The following DDX60L variants were observed in gnomAD, a reference collection of about 807,000 sequenced individuals.
DDX60L encodes DExD/H-box 60 like.
DDX60L carries 191 observed loss-of-function variants against 211.6 expected under a neutral mutation model. The observed-to-expected ratio is 0.90, with a 90% CI of 0.80 to 1.02. The LOEUF (loss-of-function observed/expected upper bound fraction) is 1.02, where lower values mean the gene tolerates loss of function less well. DDX60L is among the 50% of genes least tolerant of loss of function. The pLI, the probability that DDX60L is intolerant of heterozygous loss-of-function variation, is 0.00. For synonymous variants in DDX60L, 706 were observed against 694.1 expected, an observed-to-expected ratio of 1.02 and a Z score of -0.27; for missense variants, 2,007 against 1,984.1, an observed-to-expected ratio of 1.01 and a Z score of -0.22.
intron 30 of DDX60L, chr4:168,380,940 AG>A (rs1742836124): frequency 6.6e-6 from 1 of 152,244 alleles, no homozygotes; most frequent in Non-Finnish European, 1.5e-5. Flanking sequence ...CAAAGAGGTT[AG>A]CTGCATTGTG....
chr4:168,449,104 A>G (rs1419630638), intron 8 of DDX60L, among the ~76,000 whole-genome samples: 2 of 152,192 alleles, frequency 1.3e-5, no homozygotes. Context: ...CCAGGCCTGC[A>G]TGAGTACATT....
intron 18 of DDX60L, among the ~76,000 whole-genome samples, 168 bp downstream of exon 18, chr4:168,420,092 CT>C (rs887429603): frequency 1.3e-5 from 2 of 152,114 alleles, no homozygotes; most frequent in African/African-American, 4.8e-5. Context: ...CTAGTTCTTA[CT>C]TTTTAGAGTA....
At chr4:168,360,981 T>C (rs1739007481) in intron 37 of DDX60L, among the ~76,000 whole-genome samples, 168 bp downstream of exon 37, 1 of 152,232 alleles carries the variant, frequency 6.6e-6, no homozygotes, top group Non-Finnish European at 1.5e-5. Flanking sequence ...TCCTGAGGAA[T>C]GGGTCTACAG....
At chr4:168,373,881 A>T (rs920077155) in intron 34 of DDX60L, 73 bp from the exon 35 acceptor site, 3 of 1,471,452 alleles carry the variant, frequency 2.0e-6, no homozygotes, top group African/African-American at 2.8e-5. Context: ...AACTCACTGT[A>T]GGTCAAGCCA....
intron 8 of DDX60L, among the ~76,000 whole-genome samples, chr4:168,452,196 T>A (rs943368278): frequency 6.6e-6 from 1 of 152,246 alleles, no homozygotes; most frequent in Admixed American, 6.5e-5. Context: ...AGACTGGTTT[T>A]AAAATGTCTA....
chr4:168,465,387 C>T (rs997536723), intron 4 of DDX60L, among the ~76,000 whole-genome samples: 2 of 152,010 alleles, frequency 1.3e-5, no homozygotes, highest in Non-Finnish European at 1.5e-5. Flanking sequence ...CCTGCATATC[C>T]TGGATATTAA....
At chr4:168,396,739 C>T (rs539753131) in intron 26 of DDX60L, among the ~76,000 whole-genome samples, 20 of 151,028 alleles carry the variant, frequency 1.3e-4, no homozygotes, top group African/African-American at 3.4e-4. Context: ...CCTGGAGCTC[C>T]GACATCTCTC....
intron 5 of DDX60L, among the ~76,000 whole-genome samples, chr4:168,459,856 C>T (rs993481277): frequency 1.4e-4 from 18 of 128,324 alleles, no homozygotes; most frequent in Admixed American, 1.1e-3. Context: ...AAAGAGAAGT[C>T]TAAAGTTCAA....
chr4:168,458,613 T>C (rs1203630161), intron 5 of DDX60L, among the ~76,000 whole-genome samples: 2 of 151,938 alleles, frequency 1.3e-5, no homozygotes, highest in East Asian at 1.9e-4. Flanking sequence ...TGAGAACACA[T>C]GGACACAGGG....
chr4:168,413,039 A>G (rs1178747926), intron 22 of DDX60L, among the ~76,000 whole-genome samples: 2 of 152,234 alleles, frequency 1.3e-5, no homozygotes, highest in Non-Finnish European at 2.9e-5. Flanking sequence ...AAGTCCCTCC[A>G]AATACCTGGG....
rs1490189587 is a variant in DDX60L, at chr4:168,400,962, C to T, written c.3355G>A (p.Val1119Met). 1.9e-6 allele frequency: 3 copies of T among 1,613,518 alleles called. No individual in the cohort carries two copies. Among genetic ancestry groups the T allele is most frequent in the Admixed American group, 1.7e-5 (1 of 59,952 alleles). Residue 1119 changes from valine (V) to methionine (M), a missense_variant, in exon 26 of 38, where the codon GTG (valine) becomes ATG (methionine). Physicochemically the swap from Val to Met is conservative, Grantham distance 21 (BLOSUM62 1). Transcript: ENST00000682922. The part of the protein sequence containing the change: ...AIFFLFKNDD[V>M]GKRAGSVCTF... ...CACACACTTCCAGCTCTTTTTCCCA[C>T]ATCATCATTCTTAAACCTTAAAACA...
At position 168,396,212 on chromosome 4, in the gene DDX60L, T is replaced by C. The variant is rs1241871446; in HGVS notation, c.3492-88A>G. The C allele has an allele frequency of 3.2e-5, 25 of 788,412 alleles. No individual in the cohort carries two copies. In the East Asian group the frequency reaches 6.6e-4, roughly 21 times the overall value. 48.8% of individuals were successfully genotyped at this position (788,412 alleles called of 1,614,324 possible). A position where few individuals can be genotyped will look rare whatever the true frequency, so the allele number is the denominator to read the frequency against. On this transcript the variant is annotated intron_variant, in intron 26 of 37. Coordinates refer to ENST00000682922, the MANE Select transcript of DDX60L (RefSeq NM_001012967.3). ...AAGCCTAAGGCCCCACAGATTTCCC[T>C]TGGTCATCCGACGTTGACAGTAGCT...
At chr4:168,422,693 G>T in intron 15 of DDX60L, 23 bp from the exon 16 acceptor site, 8 of 1,496,380 alleles carry the variant, frequency 5.3e-6, no homozygotes, top group Admixed American at 2.1e-5. Context: ...TATATTATTT[G>T]AAATCAACTT....
rs964147549 is a variant in DDX60L, at chr4:168,358,020, T to C, written c.*127A>G. On this transcript the variant is annotated 3_prime_UTR_variant, in exon 38 of 38. Coordinates refer to ENST00000682922, the MANE Select transcript of DDX60L (RefSeq NM_001012967.3). ...TTCAGTTAGAAAATAGCAGAGCTGA[T>C]ATCTGAGTTTAATTCTGTTTGACTC... 2 of 786,602 alleles carry C rather than the reference T, an allele frequency of 2.5e-6. No homozygotes were observed. The highest frequency in any genetic ancestry group is 2.7e-5 in the East Asian group (1 of 36,580). The allele number at this position is 786,602 out of a possible 1,614,324, so 48.7% of individuals were successfully genotyped here. A position where few individuals can be genotyped will look rare whatever the true frequency, so the allele number is the denominator to read the frequency against.
At chr4:168,460,633 G>T (rs934303511) in intron 5 of DDX60L, among the ~76,000 whole-genome samples, 10 of 151,470 alleles carry the variant, frequency 6.6e-5, no homozygotes, top group African/African-American at 2.2e-4. Flanking sequence ...AAAAAAAAAA[G>T]TATGGGTTTT....
At position 168,400,849 on chromosome 4, in the gene DDX60L, T is replaced by C; in HGVS notation, c.3468A>G (p.Lys1156=). ...ACATCCTTTTCTGTGTCTTCCTCAC[T>C]TTTTCAAGTACTTCATCTATTGCAA... ...YVFAIDEVLE[K]VRKTQKRITK... The change falls in exon 26 of 38, where the codon AAA becomes AAG. Residue 1156 remains lysine, a synonymous_variant. Coordinates refer to ENST00000682922, the MANE Select transcript of DDX60L (RefSeq NM_001012967.3). 1 of 1,612,084 alleles carries C rather than the reference T, an allele frequency of 6.2e-7. No individual in the cohort carries two copies.
rs1003110226 is a variant in DDX60L at position 168,381,730 on chromosome 4, C to T, written c.4117-1900G>A. 5.3e-5 allele frequency among the ~76,000 whole-genome samples: 8 copies of T among 152,216 alleles called. No homozygotes were observed. The South Asian group carries it at 1.0e-3, about 20-fold the overall frequency. ...AGGGCCACAGATTATATCTCCACAA[C>T]AGTAGATGCCAAAGAAAATGAAGCA... On this transcript the variant is annotated intron_variant, in intron 30 of 37. Transcript: ENST00000682922.
intron 4 of DDX60L, chr4:168,470,611 G>A (rs4692665): frequency 0.3 from 45,286 of 152,486 alleles, 8,097 homozygotes; most frequent in East Asian, 0.62. Context: ...AGACCAAGGC[G>A]GGTGGATTGC....
intron 9 of DDX60L, among the ~76,000 whole-genome samples, chr4:168,442,048 G>A (rs550321216): frequency 1.3e-5 from 2 of 152,282 alleles, no homozygotes; most frequent in South Asian, 2.1e-4. Context: ...CCCAGCGTGA[G>A]CAACGCAGAA....
Sources: gnomAD v4.1 joint callset for allele counts (sites outside exome capture counted in the v4.1 genomes callset) on GRCh38, gnomAD v4.1.1 for gene constraint, MANE v1.5 for transcripts, NCBI Gene and HGNC (gene_info 2026-07-23, HGNC 2026-07-21) for gene names.